Variants in ZNF667 observed in about 807,000 individuals in gnomAD.
ZNF667 encodes zinc finger protein 667.
ZNF667 carries 13 observed loss-of-function variants against 31.8 expected under a neutral mutation model. That is an observed-to-expected ratio of 0.41 (90% confidence interval 0.27 to 0.65). ZNF667 has a LOEUF of 0.65. Ranked by LOEUF, ZNF667 falls within the 30% of genes least tolerant of loss-of-function variation. The pLI is 0.32. For synonymous variants in ZNF667, 228 were observed against 247.1 expected, an observed-to-expected ratio of 0.92 and a Z score of 0.73; for missense variants, 642 against 725.6, an observed-to-expected ratio of 0.88 and a Z score of 1.32.
At chr19:56,446,799 C>T (rs1012543472) in intron 6 of ZNF667, among the ~76,000 whole-genome samples, 13 of 152,128 alleles carry the variant, frequency 8.5e-5, no homozygotes, top group Admixed American at 7.9e-4. Context: ...CCCAAGATTC[C>T]TCCTATAGTC....
intron 3 of ZNF667, chr19:56,468,508 A>G (rs10423274): frequency 0.19 from 28,273 of 152,200 alleles, 3,185 homozygotes; most frequent in African/African-American, 0.31. Context: ...CATCTCACAC[A>G]TACTGGCTGA....
chr19:56,440,547 G>A lies in ZNF667; in HGVS notation c.*615C>T. The A allele has an allele frequency of 1.0e-6, 1 of 957,374 alleles. No homozygotes were observed. The highest frequency in any genetic ancestry group is 1.2e-6 in the Non-Finnish European group (1 of 804,416). 59.3% of individuals were successfully genotyped at this position (957,374 alleles called of 1,614,324 possible). A position where few individuals can be genotyped will look rare whatever the true frequency, so the allele number is the denominator to read the frequency against. ...TCTTTTTTCTGTGACCTTAAATCAG[G>A]CTCAGAGCCCTATAATGGACTTCAC... On this transcript the variant is annotated 3_prime_UTR_variant, in exon 7 of 7. Coordinates refer to ENST00000504904, the MANE Select transcript of ZNF667 (RefSeq NM_001321356.2).
intron 4 of ZNF667, among the ~76,000 whole-genome samples, chr19:56,461,260 G>A (rs986127485): frequency 2.0e-5 from 3 of 152,110 alleles, no homozygotes; most frequent in Non-Finnish European, 4.4e-5. Flanking sequence ...GACAGCTCCT[G>A]ATTTAATCTC....
At chr19:56,470,356 G>C (rs1041158398) in intron 3 of ZNF667, among the ~76,000 whole-genome samples, 1 of 152,204 alleles carries the variant, frequency 6.6e-6, no homozygotes, top group East Asian at 1.9e-4. Context: ...GGGCAGCAGC[G>C]TCACCTCCTC....
chr19:56,466,313 C>G (rs2043158446), intron 3 of ZNF667, among the ~76,000 whole-genome samples: 1 of 152,194 alleles, frequency 6.6e-6, no homozygotes, highest in Non-Finnish European at 1.5e-5. Context: ...CCTGCAGACT[C>G]CGAAACATAA....
chr19:56,474,724 C>T (rs2043365216), intron 1 of ZNF667: 1 of 152,310 alleles, frequency 6.6e-6, no homozygotes, highest in Non-Finnish European at 1.5e-5. Context: ...CCTGTGCGTA[C>T]ATTAGTCTCT....
rs1205047300 is a variant in ZNF667 at position 56,454,373 on chromosome 19, G to A, written c.253+3782C>T. Among the ~76,000 whole-genome samples, 3 of 152,026 alleles carry A rather than the reference G, an allele frequency of 2.0e-5. No individual in the cohort carries two copies. In the East Asian group the frequency reaches 5.8e-4, roughly 29 times the overall value. On this transcript the variant is annotated intron_variant, in intron 6 of 6. Coordinates refer to ENST00000504904, the MANE Select transcript of ZNF667 (RefSeq NM_001321356.2). ...CCACAAAAGACCCAGAATAGCTAAA[G>A]CCATCCTGAGCAAAAAGAATAAAAC...
In ZNF667 at chr19:56,441,478, T is replaced by G. The variant is rs1258390147; in HGVS notation, c.1517A>C (p.Lys506Thr). ...DRPYECDQCG[K>T]AFSQSAHLAQ... The stretch of plus-strand genomic sequence containing the variant: ...GAGGTGTGCACTCTGGCTGAAGGCC[T>G]TCCCACACTGATCACATTCATAGGG... Residue 506 changes from lysine (K) to threonine (T), a missense_variant, in exon 7 of 7, where the codon AAG becomes ACG. By Grantham distance (78) the Lys-to-Thr change is moderately conservative. Coordinates refer to ENST00000504904, the MANE Select transcript of ZNF667 (RefSeq NM_001321356.2). The surrounding 1 kb of genome is among the most constrained non-coding windows in gnomAD (Gnocchi z 4.2). The G allele has an allele frequency of 1.2e-6, 2 of 1,614,100 alleles. No homozygotes were observed. The highest frequency in any genetic ancestry group is 2.7e-5 in the African/African-American group (2 of 74,940).
chr19:56,475,290 G>A (rs2043379287), intron 1 of ZNF667: 1 of 152,200 alleles, frequency 6.6e-6, no homozygotes, highest in African/African-American at 2.4e-5. Flanking sequence ...GGCACTCACT[G>A]GCTGAATGAA....
chr19:56,440,717 A>T lies in ZNF667; in HGVS notation c.*445T>A. 2 of 597,006 alleles carry T rather than the reference A, an allele frequency of 3.4e-6. No individual in the cohort carries two copies. Among genetic ancestry groups the T allele is most frequent in the Non-Finnish European group, 4.3e-6 (2 of 470,102 alleles). The allele number at this position is 597,006 out of a possible 1,614,324, so 37.0% of individuals were successfully genotyped here. ...AGTGGTGCAATCTCTGCTCGGTGCA[A>T]CCCCCACCTCCTGGGTTCAAGCGAT... On this transcript the variant is annotated 3_prime_UTR_variant, in exon 7 of 7. Transcript: ENST00000504904.
Position 56,441,343 on chromosome 19 carries a change from C to G in ZNF667, c.1652G>C (p.Gly551Ala). 6.2e-7 allele frequency: 1 copy of G among 1,614,074 alleles called. No homozygotes were observed. Among genetic ancestry groups the G allele is most frequent in the Non-Finnish European group, 8.5e-7 (1 of 1,180,010 alleles). Residue 551 changes from glycine to alanine, a missense_variant, in exon 7 of 7, where the codon GGA becomes GCA. Transcript: ENST00000504904. This position sits in a 1 kb window ranked among gnomAD's most constrained non-coding sequence, Gnocchi z 4.2. ...SLILHERSHTGEKPYECNECG... is the reference protein window; with the variant it reads ...SLILHERSHTAEKPYECNECG... ...TTCATTACATTCATAGGGTTTCTCTCCAGTATGACTTCTTTCATGTAGAAT... is the reference window on the plus strand; with the variant it reads ...TTCATTACATTCATAGGGTTTCTCTGCAGTATGACTTCTTTCATGTAGAAT...
rs2043063848 is a variant in ZNF667 at position 56,462,373 on chromosome 19, T to C, written c.-3A>G. 1.9e-6 allele frequency: 3 copies of C among 1,614,068 alleles called. No individual in the cohort carries two copies. Among genetic ancestry groups the C allele is most frequent in the African/African-American group, 1.3e-5 (1 of 74,926 alleles). On this transcript the variant is annotated 5_prime_UTR_variant, in exon 4 of 7. Transcript: ENST00000504904. Reference sequence around the variant, plus strand: ...GATTTCCCCCGTGCAGAAGGCATCCTTTCCTCCCCCTTTAGGGTCCACACT... The same window carrying C: ...GATTTCCCCCGTGCAGAAGGCATCCCTTCCTCCCCCTTTAGGGTCCACACT...
intron 5 of ZNF667, among the ~76,000 whole-genome samples, chr19:56,459,992 A>G (rs180963194): frequency 2.6e-3 from 384 of 149,332 alleles, no homozygotes; most frequent in Non-Finnish European, 4.8e-3. Flanking sequence ...CTCTGTATCA[A>G]AAAAAAAAAA....
At chr19:56,452,973 A>T (rs967705506) in intron 6 of ZNF667, among the ~76,000 whole-genome samples, 5 of 152,088 alleles carry the variant, frequency 3.3e-5, no homozygotes, top group Admixed American at 6.5e-5. Context: ...TCAAAAACAT[A>T]AACAGAATTG....
Position 56,439,710 on chromosome 19 carries a change from A to G in ZNF667, c.*1452T>C, listed in dbSNP as rs940061782. ...CGCTCTGTCGCCCAGGGTGGAGTAC[A>G]GTGGCGTGATCCTGGCTCACTGCAA... On this transcript the variant is annotated 3_prime_UTR_variant, in exon 7 of 7. Coordinates refer to ENST00000504904, the MANE Select transcript of ZNF667 (RefSeq NM_001321356.2). 1.6e-4 allele frequency: 24 copies of G among 152,686 alleles called. No individual in the cohort carries two copies. The highest frequency in any genetic ancestry group is 5.5e-4 in the African/African-American group (23 of 41,476). The allele number at this position is 152,686 out of a possible 1,614,324, so 9.5% of individuals were successfully genotyped here.
chr19:56,465,554 G>A (rs1031640043), intron 3 of ZNF667, among the ~76,000 whole-genome samples: 2 of 152,238 alleles, frequency 1.3e-5, no homozygotes, highest in Non-Finnish European at 2.9e-5. Flanking sequence ...CTCACATCTG[G>A]TGGCAAGTCC....
At chr19:56,470,997 C>T (rs907414718) in intron 3 of ZNF667, among the ~76,000 whole-genome samples, 4 of 152,124 alleles carry the variant, frequency 2.6e-5, no homozygotes, top group African/African-American at 9.7e-5. Flanking sequence ...ATCCAAATCC[C>T]ATGTTTAATT....
chr19:56,458,515 G>A (rs2042980186), intron 5 of ZNF667, among the ~76,000 whole-genome samples: 1 of 152,166 alleles, frequency 6.6e-6, no homozygotes, highest in African/African-American at 2.4e-5. Flanking sequence ...CTGTGACTGG[G>A]GGCTCCTGGA....
At chr19:56,444,696 T>C (rs1485131329) in intron 6 of ZNF667, among the ~76,000 whole-genome samples, 17 of 24,856 alleles carry the variant, frequency 6.8e-4, no homozygotes, top group Admixed American at 2.8e-3. Flanking sequence ...TGGTGAGAAA[T>C]CCACCCCCAT....
Sources: allele counts gnomAD v4.1 joint callset (sites outside exome capture counted in the v4.1 genomes callset), GRCh38; gene constraint gnomAD v4.1.1; non-coding constraint Gnocchi (gnomAD v3.1); transcripts MANE v1.5; gene names NCBI Gene and HGNC (gene_info 2026-07-23, HGNC 2026-07-21).